The following ZMYND11 variants were observed in gnomAD, a reference collection of about 807,000 sequenced individuals.
ZMYND11 encodes zinc finger MYND domain-containing protein 11.
In ZMYND11, 9 loss-of-function variants were observed where a neutral mutation model predicts 84.9. That is an observed-to-expected ratio of 0.11 (90% CI 0.06 to 0.18). The LOEUF is 0.18. ZMYND11 is among the 10% of genes least tolerant of loss of function. The pLI is 1.00. For synonymous variants in ZMYND11, 250 were observed against 244.1 expected, an observed-to-expected ratio of 1.02 and a Z score of -0.23; for missense variants, 409 against 761.0, an observed-to-expected ratio of 0.54 and a Z score of 5.44.
At chr10:235,479 C>T (rs1949790199) in intron 4 of ZMYND11, among the ~76,000 whole-genome samples, 1 of 151,880 alleles carries the variant, frequency 6.6e-6, no homozygotes. Context: ...TATTCCATAT[C>T]TATGCCATGG....
rs1459271639 is a variant in ZMYND11, at chr10:209,876, C to T, written c.117-13C>T. 2.5e-6 allele frequency: 4 copies of T among 1,575,386 alleles called. No individual in the cohort carries two copies. The highest frequency in any genetic ancestry group is 2.6e-6 in the Non-Finnish European group (3 of 1,159,856). On this transcript the variant is annotated splice_polypyrimidine_tract_variant and intron_variant, in intron 2 of 14. Coordinates refer to ENST00000381604, the MANE Select transcript of ZMYND11 (RefSeq NM_001370100.5). ...CTGAAAGATTTTTAAATTTGTTTTT[C>T]CTCTGTGTTCAGGTATATGTCTCGA...
chr10:209,050 TAG>T (rs765368955), intron 2 of ZMYND11, among the ~76,000 whole-genome samples: 8 of 150,722 alleles, frequency 5.3e-5, no homozygotes, highest in East Asian at 1.9e-4. Flanking sequence ...TATATATATA[TAG>T]AGAGAGAGAG....
chr10:249,593 G>C, intron 14 of ZMYND11: 3 of 985,212 alleles, frequency 3.0e-6, no homozygotes, highest in Non-Finnish European at 3.6e-6. Flanking sequence ...CCTCATACCT[G>C]ACTAGTATCA....
At position 248,476 on chromosome 10, in the gene ZMYND11, G is replaced by A. The variant is rs1952640750; in HGVS notation, c.1368G>A (p.Gln456=). ...CAAGAATGCTGCATCGGAGCACCCA[G>A]ACCACAAACGACGGCGTGTGTCAGA... The part of the protein sequence containing the change: ...SSPRMLHRST[Q]TTNDGVCQSM... Residue 456 remains glutamine, a synonymous_variant, in exon 13 of 15, where the codon CAG becomes CAA. Transcript: ENST00000381604. 6.2e-7 allele frequency: 1 copy of A among 1,614,186 alleles called. No individual in the cohort carries two copies. Among genetic ancestry groups the A allele is most frequent in the African/African-American group, 1.3e-5 (1 of 75,042 alleles).
In ZMYND11 at chr10:233,499, A is replaced by G. The variant is rs183580347; in HGVS notation, c.439-3339A>G. 1.6e-3 allele frequency among the ~76,000 whole-genome samples: 251 copies of G among 152,336 alleles called. 6 individuals are homozygous for G. Among genetic ancestry groups the G allele is most frequent in the Non-Finnish European group, 3.7e-4 (25 of 68,028 alleles). ...GGTGGTCCTAACGTAATAAACACTT[A>G]AGTAGGATATCTGAATCTGAATGGT... On this transcript the variant is annotated intron_variant, in intron 4 of 14. Coordinates refer to ENST00000381604, the MANE Select transcript of ZMYND11 (RefSeq NM_001370100.5).
At chr10:244,588 G>A (rs1564456407) in intron 10 of ZMYND11, 2 of 152,344 alleles carry the variant, frequency 1.3e-5, no homozygotes, top group Non-Finnish European at 2.9e-5. Context: ...CATGGCCCAG[G>A]CCAGGAAACC....
intron 2 of ZMYND11, among the ~76,000 whole-genome samples, chr10:187,084 C>A (rs1012005796): frequency 6.6e-6 from 1 of 152,008 alleles, no homozygotes; most frequent in Non-Finnish European, 1.5e-5. Flanking sequence ...GAAAAATTAG[C>A]CAAGCATGGT....
intron 4 of ZMYND11, among the ~76,000 whole-genome samples, chr10:224,161 A>C (rs1947662216): frequency 6.6e-6 from 1 of 152,180 alleles, no homozygotes; most frequent in Non-Finnish European, 1.5e-5. Context: ...TCTCCCTTAC[A>C]GTGTTGAAAA....
intron 2 of ZMYND11, among the ~76,000 whole-genome samples, chr10:181,894 G>A (rs1847961300): frequency 6.6e-6 from 1 of 152,114 alleles, no homozygotes; most frequent in African/African-American, 2.4e-5. Context: ...TGATGTTGAT[G>A]TAAAACATTT....
At chr10:132,204 G>T (rs1048827576), upstream of ZMYND11, among the ~76,000 whole-genome samples, 1 of 151,384 alleles carries the variant, frequency 6.6e-6, no homozygotes, top group Non-Finnish European at 1.5e-5. Context: ...CAACCCGTTC[G>T]GGTCCCCTTC....
intron 3 of ZMYND11, among the ~76,000 whole-genome samples, chr10:210,836 A>G (rs1312268726): frequency 1.3e-5 from 2 of 152,128 alleles, no homozygotes; most frequent in Admixed American, 1.3e-4. Context: ...TAATTTTTAC[A>G]AGGGAACATC....
chr10:180,197 A>G (rs555159248), intron 2 of ZMYND11, 69 bp downstream of exon 2: 2 of 1,224,598 alleles, frequency 1.6e-6, no homozygotes, highest in South Asian at 2.7e-5. Flanking sequence ...GGCCAAAAAA[A>G]ATTTTATCTG....
At chr10:213,413 C>T (rs890555428) in intron 3 of ZMYND11, among the ~76,000 whole-genome samples, 1 of 152,052 alleles carries the variant, frequency 6.6e-6, no homozygotes, top group Non-Finnish European at 1.5e-5. Context: ...AAAAACTTGA[C>T]TTTTTAAACT....
intron 4 of ZMYND11, among the ~76,000 whole-genome samples, chr10:223,534 A>C (rs1031706634): frequency 1.3e-5 from 2 of 151,996 alleles, no homozygotes; most frequent in Non-Finnish European, 2.9e-5. Flanking sequence ...AAAATCTTGA[A>C]TTTTTCATTC....
chr10:180,689 T>C (rs1281978171), intron 2 of ZMYND11, among the ~76,000 whole-genome samples: 1 of 152,262 alleles, frequency 6.6e-6, no homozygotes, highest in Non-Finnish European at 1.5e-5. Context: ...CGTGAGCCAC[T>C]GCACCTGGCC....
rs778484393 is a variant in ZMYND11 at position 248,413 on chromosome 10, C to T, written c.1305C>T (p.Ser435=). ...PTMPQPIEKV[S]VSTQTKKLSA... ...TGCCTCAGCCCATCGAAAAAGTCTC[C>T]GTGTCAACTCAGACAAAGAAGTTAA... is the stretch of plus-strand genomic sequence containing the variant. The change falls in exon 13 of 15, where the codon TCC becomes TCT. Residue 435 remains serine, a synonymous_variant. Transcript: ENST00000381604. The T allele has an allele frequency of 2.3e-5, 37 of 1,614,014 alleles. No homozygotes were observed. Among genetic ancestry groups the T allele is most frequent in the Non-Finnish European group, 3.0e-5 (35 of 1,180,028 alleles).
intron 1 of ZMYND11, among the ~76,000 whole-genome samples, chr10:136,141 A>G (rs1554752067): frequency 6.6e-6 from 1 of 152,092 alleles, no homozygotes; most frequent in Non-Finnish European, 1.5e-5. Context: ...CGCCGCCTCA[A>G]CAGGTCCTCG....
intron 1 of ZMYND11, among the ~76,000 whole-genome samples, chr10:173,616 T>TA (rs1175500470): frequency 6.6e-6 from 1 of 152,006 alleles, no homozygotes; most frequent in Non-Finnish European, 1.5e-5. Context: ...CTAGCTACTC[T>TA]AGAGTCTAAG....
intron 6 of ZMYND11, among the ~76,000 whole-genome samples, chr10:238,974 C>T (rs1362630807): frequency 6.6e-6 from 1 of 152,146 alleles, no homozygotes; most frequent in Non-Finnish European, 1.5e-5. Flanking sequence ...TTCCTAGCCC[C>T]AATTCAGAAC....
Sources: gnomAD v4.1 joint callset for allele counts (sites outside exome capture counted in the v4.1 genomes callset) on GRCh38, gnomAD v4.1.1 for gene constraint, MANE v1.5 for transcripts, NCBI Gene and HGNC (gene_info 2026-07-23, HGNC 2026-07-21) for gene names.